Variants in SH3RF3 observed in about 807,000 individuals in gnomAD.
SH3RF3 encodes E3 ubiquitin-protein ligase SH3RF3.
In SH3RF3, 29 loss-of-function variants were observed where a neutral mutation model predicts 66.3. That is an observed-to-expected ratio of 0.44 (90% CI 0.33 to 0.60). The LOEUF (loss-of-function observed/expected upper bound fraction) is 0.60. SH3RF3 is among the 20% of genes least tolerant of loss of function. SH3RF3 has a pLI of 0.04. For synonymous variants in SH3RF3, 583 were observed against 532.0 expected, an observed-to-expected ratio of 1.10 and a Z score of -1.32; for missense variants, 1,194 against 1,190.9, an observed-to-expected ratio of 1.00 and a Z score of -0.04.
At chr2:109,313,261 C>G (rs529482224) in intron 1 of SH3RF3, among the ~76,000 whole-genome samples, 1 of 152,240 alleles carries the variant, frequency 6.6e-6, no homozygotes, top group Non-Finnish European at 1.5e-5. Flanking sequence ...TTCCTCTTCA[C>G]AAGGCCCAGG....
At position 109,404,100 on chromosome 2, in the gene SH3RF3, T is replaced by C. The variant is rs539578818; in HGVS notation, c.1299+5157T>C. Among the ~76,000 whole-genome samples the C allele has an allele frequency of 1.3e-3, 202 of 152,236 alleles. 2 individuals are homozygous for C. The highest frequency in any genetic ancestry group is 4.6e-3 in the African/African-American group (189 of 41,538). ...TCTGGCTTGGTGCTGTGCTGGGTCC[T>C]GGAGGTTTTGGAAAGCTGGTGGTGG... On this transcript the variant is annotated intron_variant, in intron 4 of 9. Coordinates refer to ENST00000309415, the MANE Select transcript of SH3RF3 (RefSeq NM_001099289.3).
At chr2:109,493,995 GT>G (rs985317643) in intron 9 of SH3RF3, among the ~76,000 whole-genome samples, 5 of 152,274 alleles carry the variant, frequency 3.3e-5, no homozygotes, top group Middle Eastern at 3.4e-3. Context: ...TGCTGCCTGT[GT>G]TTTCCGGATG....
At chr2:109,306,657 T>C (rs180963483) in intron 1 of SH3RF3, among the ~76,000 whole-genome samples, 218 of 152,352 alleles carry the variant, frequency 1.4e-3, no homozygotes, top group Non-Finnish European at 9.3e-4. Flanking sequence ...TAGCAGTCGG[T>C]GGACCCCAAA....
At chr2:109,302,328 G>T (rs1270591730) in intron 1 of SH3RF3, among the ~76,000 whole-genome samples, 1 of 152,242 alleles carries the variant, frequency 6.6e-6, no homozygotes, top group Non-Finnish European at 1.5e-5. Flanking sequence ...GATCAGTCAG[G>T]ATGGGAAAGT....
chr2:109,156,697 C>T (rs934500801), intron 1 of SH3RF3, among the ~76,000 whole-genome samples: 1 of 152,156 alleles, frequency 6.6e-6, no homozygotes, highest in African/African-American at 2.4e-5. Context: ...CTCGCCTCGG[C>T]CTCCCAAAGT....
intron 7 of SH3RF3, among the ~76,000 whole-genome samples, chr2:109,448,942 C>T (rs763457005): frequency 3.3e-5 from 5 of 152,156 alleles, no homozygotes; most frequent in African/African-American, 7.2e-5. Flanking sequence ...TGTTTTGAGC[C>T]GTGGCAGGGC....
At chr2:109,211,648 CTT>C (rs67139652) in intron 1 of SH3RF3, among the ~76,000 whole-genome samples, 8 of 142,534 alleles carry the variant, frequency 5.6e-5, no homozygotes, top group Non-Finnish European at 6.1e-5. Context: ...GCATTTCTTT[CTT>C]TTTTTTTTTT....
intron 6 of SH3RF3, among the ~76,000 whole-genome samples, chr2:109,432,946 T>C (rs931160910): frequency 6.6e-6 from 1 of 152,206 alleles, no homozygotes; most frequent in Non-Finnish European, 1.5e-5. Context: ...GTCACCAGAA[T>C]GAGGTCTCAA....
intron 7 of SH3RF3, among the ~76,000 whole-genome samples, chr2:109,447,640 C>T (rs920511617): frequency 1.6e-4 from 24 of 152,126 alleles, no homozygotes; most frequent in African/African-American, 5.6e-4. Flanking sequence ...CAGAACAACC[C>T]AGGACACAAG....
chr2:109,204,924 C>T (rs1678774382), intron 1 of SH3RF3, among the ~76,000 whole-genome samples: 1 of 152,150 alleles, frequency 6.6e-6, no homozygotes, highest in African/African-American at 2.4e-5. Flanking sequence ...AGTAGAGCAA[C>T]TGGGTGGGCA....
At chr2:109,483,202 C>G (rs767840307) in intron 8 of SH3RF3, among the ~76,000 whole-genome samples, 1 of 152,198 alleles carries the variant, frequency 6.6e-6, no homozygotes, top group Non-Finnish European at 1.5e-5. Context: ...TCCCCATCTC[C>G]GACAGGAAAA....
intron 1 of SH3RF3, among the ~76,000 whole-genome samples, chr2:109,286,967 T>C (rs1196798525): frequency 6.6e-6 from 1 of 152,214 alleles, no homozygotes; most frequent in Non-Finnish European, 1.5e-5. Flanking sequence ...TCCGCCATCC[T>C]CCACAGACTG....
chr2:109,242,712 C>A (rs1207656948), intron 1 of SH3RF3, among the ~76,000 whole-genome samples: 1 of 152,216 alleles, frequency 6.6e-6, no homozygotes, highest in Non-Finnish European at 1.5e-5. Flanking sequence ...GAGCCCTGGT[C>A]TGGGCTCAGA....
intron 1 of SH3RF3, among the ~76,000 whole-genome samples, chr2:109,312,592 C>T (rs1211533303): frequency 7.1e-6 from 1 of 140,260 alleles, no homozygotes; most frequent in African/African-American, 2.4e-5. Context: ...TGAATTTGCC[C>T]ACTCTGGAGA....
chr2:109,434,684 G>A (rs1335285718), intron 6 of SH3RF3, among the ~76,000 whole-genome samples: 1 of 152,186 alleles, frequency 6.6e-6, no homozygotes, highest in African/African-American at 2.4e-5. Flanking sequence ...TAGTCGGGAT[G>A]GACAGCTCTG....
intron 8 of SH3RF3, among the ~76,000 whole-genome samples, chr2:109,460,758 C>T (rs1455260363): frequency 6.6e-6 from 1 of 152,234 alleles, no homozygotes; most frequent in Non-Finnish European, 1.5e-5. Flanking sequence ...CCCTGACCAA[C>T]CAGCCAAATC....
chr2:109,481,997 G>A (rs561511081), intron 8 of SH3RF3, among the ~76,000 whole-genome samples: 1 of 152,308 alleles, frequency 6.6e-6, no homozygotes, highest in East Asian at 1.9e-4. Context: ...TGCATTCTAG[G>A]GATGCCTTCC....
chr2:109,367,934 T>A (rs1178680084), intron 2 of SH3RF3, among the ~76,000 whole-genome samples: 1 of 152,230 alleles, frequency 6.6e-6, no homozygotes, highest in African/African-American at 2.4e-5. Flanking sequence ...AAGTGCCTGT[T>A]CCATGCATAC....
At chr2:109,347,332 C>T (rs1682733134) in intron 1 of SH3RF3, among the ~76,000 whole-genome samples, 1 of 152,168 alleles carries the variant, frequency 6.6e-6, no homozygotes, top group African/African-American at 2.4e-5. Flanking sequence ...GTCACCTTCC[C>T]TCTCTGTGCC....
Sources: gnomAD v4.1 joint callset for allele counts (sites outside exome capture counted in the v4.1 genomes callset) on GRCh38, gnomAD v4.1.1 for gene constraint, MANE v1.5 for transcripts, NCBI Gene and HGNC (gene_info 2026-07-23, HGNC 2026-07-21) for gene names.